The following SPTLC3 variants were observed in gnomAD, a reference collection of about 807,000 sequenced individuals.
SPTLC3 encodes serine palmitoyltransferase long chain base subunit 3.
SPTLC3 carries 36 observed loss-of-function variants against 59.3 expected under a neutral mutation model. The observed-to-expected ratio is 0.61, with a 90% CI of 0.47 to 0.80. The LOEUF is 0.80. Ranked by LOEUF, SPTLC3 falls within the 30% of genes least tolerant of loss-of-function variation. The pLI is 0.00. For synonymous variants in SPTLC3, 257 were observed against 240.8 expected (o/e 1.07, Z -0.62); for missense variants, 625 against 685.1 (o/e 0.91, Z 0.98).
At chr20:13,037,488 T>A (rs1454583331) in intron 1 of SPTLC3, among the ~76,000 whole-genome samples, 1 of 152,234 alleles carries the variant, frequency 6.6e-6, no homozygotes, top group East Asian at 1.9e-4. Context: ...CAAGTCTCAG[T>A]GCTATGCTCA....
At chr20:13,100,998 G>A (rs73898439) in intron 6 of SPTLC3, among the ~76,000 whole-genome samples, 2 of 75,272 alleles carry the variant, frequency 2.7e-5, no homozygotes, top group Non-Finnish European at 4.0e-5. Context: ...GGAAGCACCA[G>A]TAGGTGACCA....
At chr20:13,159,852 T>C (rs920409364) in intron 10 of SPTLC3, 151 bp from the exon 11 acceptor site, 2 of 1,092,748 alleles carry the variant, frequency 1.8e-6, no homozygotes, top group Admixed American at 5.9e-5. Flanking sequence ...TTGACAGAAG[T>C]TTAAAAACTT....
At chr20:13,041,280 T>C (rs529791952) in intron 1 of SPTLC3, among the ~76,000 whole-genome samples, 67 of 152,254 alleles carry the variant, frequency 4.4e-4, no homozygotes, top group African/African-American at 1.5e-3. Context: ...TTTATTTTTT[T>C]CCTCTGGTTT....
chr20:13,121,879 T>C (rs1268965674), intron 8 of SPTLC3, among the ~76,000 whole-genome samples: 1 of 152,212 alleles, frequency 6.6e-6, no homozygotes, highest in Admixed American at 6.5e-5. Context: ...GCTGCACCGA[T>C]GAGGTATTTA....
At chr20:13,048,873 T>A in intron 1 of SPTLC3, 72 bp from the exon 2 acceptor site, 1 of 1,340,856 alleles carries the variant, frequency 7.5e-7, no homozygotes, top group Non-Finnish European at 9.9e-7. Flanking sequence ...GGTTGAAAGT[T>A]CACAATTTTA....
intron 5 of SPTLC3, among the ~76,000 whole-genome samples, chr20:13,093,008 A>G (rs1347333915): frequency 6.6e-6 from 1 of 152,238 alleles, no homozygotes; most frequent in East Asian, 1.9e-4. Context: ...GTTTTTGCAT[A>G]CATGGGATGT....
intron 1 of SPTLC3, among the ~76,000 whole-genome samples, chr20:13,040,079 A>G (rs534377964): frequency 7.2e-4 from 97 of 133,812 alleles, no homozygotes; most frequent in African/African-American, 2.5e-3. Flanking sequence ...GTGTGTGTGT[A>G]TGTATACATA....
intron 1 of SPTLC3, among the ~76,000 whole-genome samples, chr20:13,027,641 GCACACACACA>G (rs57913044): frequency 0.098 from 14,144 of 144,190 alleles, 780 homozygotes; most frequent in African/African-American, 0.15. Context: ...ATTTCAGCAC[GCACACACACA>G]CACACACACA....
At chr20:13,020,434 G>A (rs1985818209) in intron 1 of SPTLC3, among the ~76,000 whole-genome samples, 1 of 152,072 alleles carries the variant, frequency 6.6e-6, no homozygotes, top group Non-Finnish European at 1.5e-5. Context: ...AGGTTGAAGT[G>A]GGAGGACCAC....
At chr20:13,164,401 A>T (rs544030651) in intron 11 of SPTLC3, 2 of 478,544 alleles carry the variant, frequency 4.2e-6, no homozygotes, top group South Asian at 3.1e-5. Context: ...TGCATTCTGC[A>T]ACCTTATCTT....
intron 9 of SPTLC3, among the ~76,000 whole-genome samples, chr20:13,130,965 G>A (rs1210346486): frequency 3.3e-5 from 5 of 152,140 alleles, no homozygotes; most frequent in Admixed American, 3.3e-4. Flanking sequence ...TCATAGGACT[G>A]GGAGCTGGGA....
intron 9 of SPTLC3, among the ~76,000 whole-genome samples, chr20:13,148,842 G>A: frequency 6.6e-6 from 1 of 152,296 alleles, no homozygotes; most frequent in Middle Eastern, 3.4e-3. Context: ...GTGGCACTGA[G>A]GCTGCAGAGA....
At chr20:13,151,944 G>C (rs991807011) in intron 9 of SPTLC3, among the ~76,000 whole-genome samples, 1 of 151,954 alleles carries the variant, frequency 6.6e-6, no homozygotes, top group African/African-American at 2.4e-5. Flanking sequence ...ACATGAGGCT[G>C]TCAAACACTT....
At position 13,009,356 on chromosome 20, in the gene SPTLC3, C is replaced by T. The variant is rs775087784; in HGVS notation, c.89C>T (p.Thr30Ile). 1 of 1,614,024 alleles carries T rather than the reference C, an allele frequency of 6.2e-7. No individual in the cohort carries two copies. The highest frequency in any genetic ancestry group is 1.1e-5 in the South Asian group (1 of 91,078). ...QSNGSQSRNC[T>I]KNGIVKEAQQ... The stretch of plus-strand genomic sequence containing the variant: ...AATGGCTCACAAAGCAGAAACTGCA[C>T]AAAGAATGGAATAGTGAAGGAAGCC... The change falls in exon 1 of 12, where the codon ACA becomes ATA. Residue 30 changes from threonine (T) to isoleucine (I), a missense_variant. Thr to Ile is a moderately conservative substitution (Grantham distance 89, BLOSUM62 -1). Transcript: ENST00000399002.
chr20:13,025,323 T>C (rs1897075088), intron 1 of SPTLC3, among the ~76,000 whole-genome samples: 1 of 152,158 alleles, frequency 6.6e-6, no homozygotes, highest in Non-Finnish European at 1.5e-5. Flanking sequence ...TGACTCCTAA[T>C]ATCACGTAAC....
At chr20:13,011,185 G>A (rs1985222652) in intron 1 of SPTLC3, among the ~76,000 whole-genome samples, 1 of 152,120 alleles carries the variant, frequency 6.6e-6, no homozygotes, top group Non-Finnish European at 1.5e-5. Context: ...GGGCAAACGA[G>A]GGCTTATTGT....
At chr20:13,071,508 A>G (rs538901372) in intron 2 of SPTLC3, among the ~76,000 whole-genome samples, 14 of 152,302 alleles carry the variant, frequency 9.2e-5, no homozygotes, top group African/African-American at 2.6e-4. Flanking sequence ...CAGTTTGTAT[A>G]TTTTATTTTC....
chr20:13,160,068 C>T lies in SPTLC3; in HGVS notation c.1481C>T (p.Pro494Leu), dbSNP rs1331256817. 6.2e-7 allele frequency: 1 copy of T among 1,613,586 alleles called. No homozygotes were observed. Among genetic ancestry groups the T allele is most frequent in the Non-Finnish European group, 8.5e-7 (1 of 1,179,874 alleles). ...GVVVVGFPAT[P>L]LAEARARFCV... ...GTGGTCGTGGGATTTCCAGCCACTC[C>T]CCTCGCAGAAGCTCGGGCTCGGTTT... The change falls in exon 11 of 12, where the codon CCC becomes CTC. Residue 494 changes from proline (P) to leucine (L), a missense_variant. Transcript: ENST00000399002.
chr20:13,047,839 T>G (rs1009783127), intron 1 of SPTLC3, among the ~76,000 whole-genome samples: 1 of 152,152 alleles, frequency 6.6e-6, no homozygotes. Flanking sequence ...CCATCCAGAT[T>G]CAAGAGTTAA....
Sources: allele counts gnomAD v4.1 joint callset (sites outside exome capture counted in the v4.1 genomes callset), GRCh38; gene constraint gnomAD v4.1.1; transcripts MANE v1.5; gene names NCBI Gene and HGNC (gene_info 2026-07-23, HGNC 2026-07-21).